KCNIP4: variants seen among roughly 807,000 people sequenced by gnomAD.
KCNIP4 encodes Kv channel-interacting protein 4.
In KCNIP4, 12 loss-of-function variants were observed where a neutral mutation model predicts 34.0. The ratio of observed to expected loss-of-function variants is 0.35; its 90% confidence interval spans 0.23 to 0.57. The LOEUF is 0.57. KCNIP4 is among the 20% of genes least tolerant of loss of function. The probability of loss-of-function intolerance (pLI) is 0.83; values close to 1 mark genes in which losing one functional copy is unlikely to be tolerated. For missense variants in KCNIP4, 238 were observed against 311.7 expected (o/e 0.76, Z 1.78); for synonymous variants, 124 against 102.2 (o/e 1.21, Z -1.29).
intron 1 of KCNIP4, among the ~76,000 whole-genome samples, chr4:21,584,655 G>C (rs1045061841): frequency 6.6e-6 from 1 of 152,098 alleles, no homozygotes; most frequent in Non-Finnish European, 1.5e-5. Context: ...CTCAGACTCA[G>C]AGACATGTGG....
At chr4:21,430,299 C>T (rs186914229) in intron 1 of KCNIP4, among the ~76,000 whole-genome samples, 30 of 151,928 alleles carry the variant, frequency 2.0e-4, no homozygotes, top group East Asian at 5.8e-4. Context: ...AAAGTGATAA[C>T]GGCTTTTACA....
intron 1 of KCNIP4, among the ~76,000 whole-genome samples, chr4:21,491,878 A>G (rs1313192401): frequency 6.6e-6 from 1 of 152,236 alleles, no homozygotes; most frequent in East Asian, 1.9e-4. Context: ...CCAGGGGAAT[A>G]TCTTAGATGC....
chr4:20,935,304 A>C (rs1026777028), intron 1 of KCNIP4, among the ~76,000 whole-genome samples: 2 of 152,182 alleles, frequency 1.3e-5, no homozygotes, highest in African/African-American at 2.4e-5. Context: ...CAAATAGCTC[A>C]TAGGCATTTC....
At chr4:21,168,299 G>A in intron 1 of KCNIP4, among the ~76,000 whole-genome samples, 1 of 152,118 alleles carries the variant, frequency 6.6e-6, no homozygotes, top group East Asian at 1.9e-4. Context: ...AAGTTTAGTA[G>A]TAGTGTCAGG....
At chr4:21,197,963 A>C (rs1470931929) in intron 1 of KCNIP4, among the ~76,000 whole-genome samples, 1 of 152,204 alleles carries the variant, frequency 6.6e-6, no homozygotes, top group East Asian at 1.9e-4. Flanking sequence ...TCACTTATTT[A>C]ACAACTTCAT....
chr4:21,883,507 A>C (rs1726581978), intron 1 of KCNIP4, among the ~76,000 whole-genome samples: 1 of 152,098 alleles, frequency 6.6e-6, no homozygotes, highest in African/African-American at 2.4e-5. Context: ...TATTAATATA[A>C]GATTTTATAT....
At chr4:21,099,366 A>G (rs1024704106) in intron 1 of KCNIP4, among the ~76,000 whole-genome samples, 1 of 152,214 alleles carries the variant, frequency 6.6e-6, no homozygotes, top group Non-Finnish European at 1.5e-5. Context: ...GCAGGAACAG[A>G]AAACCAAACA....
chr4:21,687,012 G>C (rs11945760), intron 1 of KCNIP4, among the ~76,000 whole-genome samples: 37,092 of 142,408 alleles, frequency 0.26, 4,978 homozygotes, highest in East Asian at 0.7. Context: ...AGTTCATGTC[G>C]TTTGTAGGGA....
intron 1 of KCNIP4, among the ~76,000 whole-genome samples, chr4:21,549,462 T>G (rs545451288): frequency 6.6e-6 from 1 of 151,960 alleles, no homozygotes; most frequent in South Asian, 2.1e-4. Context: ...TAAAAGAGCC[T>G]GACATTTCTC....
intron 1 of KCNIP4, among the ~76,000 whole-genome samples, chr4:21,681,881 T>A (rs997676480): frequency 1.5e-4 from 22 of 146,986 alleles, no homozygotes; most frequent in Admixed American, 3.3e-4. Context: ...CACTTTTTTT[T>A]TTATTTTTAT....
At chr4:21,312,757 A>G (rs1713321682) in intron 1 of KCNIP4, among the ~76,000 whole-genome samples, 1 of 152,146 alleles carries the variant, frequency 6.6e-6, no homozygotes, top group Non-Finnish European at 1.5e-5. Flanking sequence ...AGCTTTAGAT[A>G]CCAACTTTAG....
chr4:20,942,287 A>G (rs548261861), intron 1 of KCNIP4, among the ~76,000 whole-genome samples: 2 of 152,302 alleles, frequency 1.3e-5, no homozygotes, highest in South Asian at 4.1e-4. Flanking sequence ...CCTGTAAGGC[A>G]GCCTGAACCA....
At chr4:21,802,373 C>T (rs1177823979) in intron 1 of KCNIP4, among the ~76,000 whole-genome samples, 4 of 152,172 alleles carry the variant, frequency 2.6e-5, no homozygotes, top group Admixed American at 6.5e-5. Flanking sequence ...CAAAACTCAT[C>T]GTCTCTCTGC....
chr4:21,757,805 G>A (rs1363384586), intron 1 of KCNIP4, among the ~76,000 whole-genome samples: 2 of 152,124 alleles, frequency 1.3e-5, no homozygotes, highest in South Asian at 2.1e-4. Flanking sequence ...CATAAATGAC[G>A]TCTTGGGAAA....
In KCNIP4 at chr4:21,291,853, CAAAAAA is replaced by C. The variant is rs754018961; in HGVS notation, c.62-409150_62-409145del. Among the ~76,000 whole-genome samples, 93 of 26,138 alleles carry C rather than the reference CAAAAAA, an allele frequency of 3.6e-3. 2 individuals are homozygous for C. The highest frequency in any genetic ancestry group is 0.026 in the South Asian group (13 of 498). The allele number at this position is 26,138 out of a possible 152,430, so 17.1% of individuals were successfully genotyped here. ...TGGGCGACAGAGTTAGACTCCGCCT[CAAAAAA>C]AAAAAAAAAAAGAAAGAAAGAAAGA... On this transcript the variant is annotated intron_variant, in intron 1 of 8. Coordinates refer to ENST00000382152, the MANE Select transcript of KCNIP4 (RefSeq NM_025221.6).
chr4:21,094,736 G>C (rs1030557709), intron 1 of KCNIP4, among the ~76,000 whole-genome samples: 1 of 152,206 alleles, frequency 6.6e-6, no homozygotes, highest in Non-Finnish European at 1.5e-5. Context: ...TCTGGGGAAA[G>C]GCAGCTGCCA....
intron 1 of KCNIP4, among the ~76,000 whole-genome samples, chr4:21,117,278 G>A (rs924514865): frequency 1.6e-4 from 21 of 130,798 alleles, no homozygotes; most frequent in Admixed American, 2.6e-4. Flanking sequence ...ATGGATAGAA[G>A]ATGTAGCCTG....
intron 1 of KCNIP4, among the ~76,000 whole-genome samples, chr4:21,261,808 C>A (rs754794048): frequency 1.3e-5 from 2 of 152,124 alleles, no homozygotes; most frequent in Non-Finnish European, 2.9e-5. Flanking sequence ...TCACTTCTCC[C>A]CAGACTATAA....
intron 3 of KCNIP4, among the ~76,000 whole-genome samples, chr4:20,830,375 T>C (rs1032579342): frequency 6.6e-6 from 1 of 152,214 alleles, no homozygotes; most frequent in Non-Finnish European, 1.5e-5. Flanking sequence ...TCTACCTAGC[T>C]GTCTGGGAAA....
Sources: allele counts gnomAD v4.1 joint callset (sites outside exome capture counted in the v4.1 genomes callset), GRCh38; gene constraint gnomAD v4.1.1; transcripts MANE v1.5; gene names NCBI Gene and HGNC (gene_info 2026-07-23, HGNC 2026-07-21).